ATRIP: variants seen among roughly 807,000 people sequenced by gnomAD.
ATRIP encodes ATR interacting protein, also known as ATR-interacting protein.
In ATRIP, 44 loss-of-function variants were observed where a neutral mutation model predicts 78.1. The ratio of observed to expected loss-of-function variants is 0.56; its 90% confidence interval spans 0.44 to 0.72. ATRIP has a LOEUF of 0.72. ATRIP is among the 30% of genes least tolerant of loss of function. The pLI is 0.00. For synonymous variants in ATRIP, 388 were observed against 408.9 expected (o/e 0.95, Z 0.62); for missense variants, 927 against 980.2 (o/e 0.95, Z 0.72).
chr3:48,456,983 A>G (rs955117583), intron 4 of ATRIP, among the ~76,000 whole-genome samples: 1 of 152,178 alleles, frequency 6.6e-6, no homozygotes, highest in Non-Finnish European at 1.5e-5. Flanking sequence ...TGGGTGGATC[A>G]CTTGAGCTCA....
At chr3:48,463,910 C>G in intron 9 of ATRIP, 29 bp downstream of exon 9, 2 of 1,613,246 alleles carry the variant, frequency 1.2e-6, no homozygotes, top group Non-Finnish European at 1.7e-6. Context: ...GGCGTCTAGA[C>G]TGCTCCTGCA....
chr3:48,465,536 C>A lies in ATRIP; in HGVS notation c.2358C>A (p.Pro786=), dbSNP rs762674869. The A allele has an allele frequency of 1.2e-6, 2 of 1,613,700 alleles. No individual in the cohort carries two copies. The highest frequency in any genetic ancestry group is 1.1e-5 in the South Asian group (1 of 91,038). The part of the protein sequence containing the change: ...LCAAETDVED[P]EVECG ...CCGCGGAAACCGATGTGGAAGACCC[C>A]GAGGTGGAGTGTGGCTGAGGCCCTG... The change falls in exon 13 of 13, where the codon CCC becomes CCA. Residue 786 remains proline (P), a synonymous_variant. Coordinates refer to ENST00000320211, the MANE Select transcript of ATRIP (RefSeq NM_130384.3).
intron 3 of ATRIP, 147 bp from the exon 4 acceptor site, chr3:48,454,153 G>GT: frequency 1.7e-6 from 1 of 594,902 alleles, no homozygotes; most frequent in Non-Finnish European, 3.1e-6. Context: ...GAAAGCTAAT[G>GT]TTTAATATTT....
rs1480576922 is a variant in ATRIP at position 48,451,796 on chromosome 3, A to G, written c.449A>G (p.His150Arg). The change falls in exon 3 of 13, where the codon CAT becomes CGT. Residue 150 changes from histidine to arginine, a missense_variant. His to Arg is a conservative substitution (Grantham distance 29). Coordinates refer to ENST00000320211, the MANE Select transcript of ATRIP (RefSeq NM_130384.3). The stretch of plus-strand genomic sequence containing the variant: ...ATTAAAATTTTGCGAGACTCACTAC[A>G]TCAGACGGAATCCGTTCTAGAGGAA... The part of the protein sequence containing the change: ...GEIKILRDSL[H>R]QTESVLEEQR... The G allele has an allele frequency of 1.2e-6, 2 of 1,612,624 alleles. No homozygotes were observed. Among genetic ancestry groups the G allele is most frequent in the African/African-American group, 2.7e-5 (2 of 74,922 alleles).
intron 8 of ATRIP, among the ~76,000 whole-genome samples, chr3:48,463,491 G>A (rs1206455516): frequency 1.3e-5 from 2 of 151,476 alleles, no homozygotes; most frequent in African/African-American, 4.9e-5. Context: ...CTTCCTGGGC[G>A]ATGCTACACC....
rs1449073652 is a variant in ATRIP, at chr3:48,466,836, C to T, written c.*1282C>T. 2 of 1,614,034 alleles carry T rather than the reference C, an allele frequency of 1.2e-6. No individual in the cohort carries two copies. The highest frequency in any genetic ancestry group is 2.2e-5 in the East Asian group (1 of 44,882). ...GCCACCTCCCACAGTTCCTCCACCA[C>T]CGCGTGTGGTAGACAAGCTCTCCCT... On this transcript the variant is annotated 3_prime_UTR_variant, in exon 13 of 13. Coordinates refer to ENST00000320211, the MANE Select transcript of ATRIP (RefSeq NM_130384.3).
Position 48,446,792 on chromosome 3 carries a change from G to C in ATRIP, c.-54G>C. The C allele has an allele frequency of 7.4e-7, 1 of 1,357,404 alleles. No homozygotes were observed. The highest frequency in any genetic ancestry group is 3.1e-5 in the Admixed American group (1 of 32,620). The allele number at this position is 1,357,404 out of a possible 1,614,324, so 84.1% of individuals were successfully genotyped here. A position where few individuals can be genotyped will look rare whatever the true frequency, so the allele number is the denominator to read the frequency against. On this transcript the variant is annotated 5_prime_UTR_variant, in exon 1 of 13. Transcript: ENST00000320211. ...GACGGTTGGTCCAGTTCTCCGGCCT[G>C]GCGGCAGGCAAGTCTAGCTCGGCGC...
intron 1 of ATRIP, 77 bp from the exon 2 acceptor site, chr3:48,449,958 AAG>A (rs1491132343): frequency 6.9e-7 from 1 of 1,455,632 alleles, no homozygotes; most frequent in African/African-American, 1.4e-5. Context: ...AAAAAAAAAA[AAG>A]TGGGTATTTT....
chr3:48,454,498 A>G, intron 4 of ATRIP, 80 bp downstream of exon 4: 1 of 1,077,788 alleles, frequency 9.3e-7, no homozygotes. Flanking sequence ...GCTGGTCCTA[A>G]ATGAAGGCCA....
At position 48,466,510 on chromosome 3, in the gene ATRIP, G is replaced by C. The variant is rs760207170; in HGVS notation, c.*956G>C. ...CTGAAAATGGGCCCTGGAGCTCGCA[G>C]ACAGGGCAGGATTGTGCAGGGAAGG... is the stretch of plus-strand genomic sequence containing the variant. On this transcript the variant is annotated 3_prime_UTR_variant, in exon 13 of 13. Transcript: ENST00000320211. 2 of 1,613,926 alleles carry C rather than the reference G, an allele frequency of 1.2e-6. No individual in the cohort carries two copies. The highest frequency in any genetic ancestry group is 2.2e-5 in the South Asian group (2 of 91,084).
Position 48,467,132 on chromosome 3 carries a change from G to A in ATRIP, c.*1578G>A, listed in dbSNP as rs376018168. The A allele has an allele frequency of 4.3e-6, 7 of 1,613,842 alleles. No individual in the cohort carries two copies. The highest frequency in any genetic ancestry group is 4.0e-5 in the African/African-American group (3 of 74,916). On this transcript the variant is annotated 3_prime_UTR_variant, in exon 13 of 13. Transcript: ENST00000320211. ...TCTGTGTGGATAGCATCACTGCGCT[G>A]AAGGCCCTGGAGCGAGCAAGCAGCC...
Position 48,466,183 on chromosome 3 carries a change from G to A in ATRIP, c.*629G>A. On this transcript the variant is annotated 3_prime_UTR_variant, in exon 13 of 13. Coordinates refer to ENST00000320211, the MANE Select transcript of ATRIP (RefSeq NM_130384.3). ...CAGACCAGGCAGGCTGACGAGCAGG[G>A]CGGGCCTGGCTCACGTGGGCCTGTA... 1 of 522,824 alleles carries A rather than the reference G, an allele frequency of 1.9e-6. No individual in the cohort carries two copies. Among genetic ancestry groups the A allele is most frequent in the Non-Finnish European group, 3.5e-6 (1 of 285,990 alleles). 32.4% of individuals were successfully genotyped at this position (522,824 alleles called of 1,614,324 possible).
chr3:48,462,919 G>C (rs1414623523), intron 8 of ATRIP, among the ~76,000 whole-genome samples: 1 of 152,192 alleles, frequency 6.6e-6, no homozygotes, highest in Admixed American at 6.5e-5. Flanking sequence ...TTTGTCTGCT[G>C]TGCAGGATTT....
At position 48,466,565 on chromosome 3, in the gene ATRIP, C is replaced by T. The variant is rs745638804; in HGVS notation, c.*1011C>T. On this transcript the variant is annotated 3_prime_UTR_variant, in exon 13 of 13. Transcript: ENST00000320211. Reference sequence around the variant, plus strand: ...AGATGTGCTTCTGCCCACCCCCTACCCCACTCCCTCCCCTTCGGATCTTAA... The same window carrying T: ...AGATGTGCTTCTGCCCACCCCCTACTCCACTCCCTCCCCTTCGGATCTTAA... The T allele has an allele frequency of 5.0e-6, 8 of 1,613,844 alleles. No homozygotes were observed. Among genetic ancestry groups the T allele is most frequent in the Admixed American group, 3.3e-5 (2 of 59,990 alleles).
At chr3:48,452,512 C>T (rs1327261931) in intron 3 of ATRIP, among the ~76,000 whole-genome samples, 2 of 151,852 alleles carry the variant, frequency 1.3e-5, no homozygotes, top group African/African-American at 2.4e-5. Flanking sequence ...GAGACCTCAT[C>T]TCCACAAAAA....
In ATRIP at chr3:48,459,556, C is replaced by T. The variant is rs938362752; in HGVS notation, c.925+102C>T. ...AGAACCGGTGCCCCGGGCAGTCCTT[C>T]AGAGAGTCCAGGGAAGTCAAAGTAT... On this transcript the variant is annotated intron_variant, in intron 6 of 12. Coordinates refer to ENST00000320211, the MANE Select transcript of ATRIP (RefSeq NM_130384.3). 3 of 1,274,074 alleles carry T rather than the reference C, an allele frequency of 2.4e-6. No homozygotes were observed. The African/African-American group carries it at 4.5e-5, about 19-fold the overall frequency. The allele number at this position is 1,274,074 out of a possible 1,614,324, so 78.9% of individuals were successfully genotyped here. A position where few individuals can be genotyped will look rare whatever the true frequency, so the allele number is the denominator to read the frequency against.
chr3:48,455,590 A>G (rs1418673968), intron 4 of ATRIP, among the ~76,000 whole-genome samples: 5 of 151,918 alleles, frequency 3.3e-5, no homozygotes, highest in Non-Finnish European at 5.9e-5. Flanking sequence ...CCCGGGTTCA[A>G]GTGATTCTCC....
At chr3:48,450,393 C>T (rs902464923) in intron 2 of ATRIP, 1 of 1,020,544 alleles carries the variant, frequency 9.8e-7, no homozygotes, top group East Asian at 3.5e-5. Context: ...ATACCAGATC[C>T]AAAAAGAGAT....
chr3:48,465,998 T>C lies in ATRIP; in HGVS notation c.*444T>C. ...CAGTGTGTAAGACCGGGAGCTGGTC[T>C]GGCACCACTGCCCTGGTCCTTCCAG... is the stretch of plus-strand genomic sequence containing the variant. On this transcript the variant is annotated 3_prime_UTR_variant, in exon 13 of 13. Transcript: ENST00000320211. 1 of 302,894 alleles carries C rather than the reference T, an allele frequency of 3.3e-6. No individual in the cohort carries two copies. Among genetic ancestry groups the C allele is most frequent in the African/African-American group, 2.2e-5 (1 of 46,364 alleles). 18.8% of individuals were successfully genotyped at this position (302,894 alleles called of 1,614,324 possible).
Sources: allele counts gnomAD v4.1 joint callset (sites outside exome capture counted in the v4.1 genomes callset), GRCh38; gene constraint gnomAD v4.1.1; transcripts MANE v1.5; gene names NCBI Gene and HGNC (gene_info 2026-07-23, HGNC 2026-07-21).